Variants in PEPD observed in about 807,000 individuals in gnomAD.
PEPD encodes peptidase D, also known as xaa-Pro dipeptidase.
In PEPD, 53 loss-of-function variants were observed where a neutral mutation model predicts 60.7. The ratio of observed to expected loss-of-function variants is 0.87; its 90% CI spans 0.70 to 1.10. The LOEUF (loss-of-function observed/expected upper bound fraction) is 1.10. PEPD is among the 50% of genes least tolerant of loss of function. The pLI, the probability that PEPD is intolerant of heterozygous loss-of-function variation, is 0.00. For synonymous variants in PEPD, 267 were observed against 284.1 expected (o/e 0.94, Z 0.60); for missense variants, 711 against 711.9 (o/e 1.00, Z 0.01).
intron 1 of PEPD, among the ~76,000 whole-genome samples, chr19:33,520,730 C>T (rs1971115659): frequency 6.6e-6 from 1 of 152,192 alleles, no homozygotes. Flanking sequence ...ATCCCCCATT[C>T]TGACCTCAGT....
chr19:33,429,718 T>A (rs548323494), intron 9 of PEPD, among the ~76,000 whole-genome samples: 5 of 152,178 alleles, frequency 3.3e-5, no homozygotes, highest in Non-Finnish European at 7.3e-5. Context: ...ACAATTTCTG[T>A]ACATCAAATT....
At chr19:33,497,209 G>A (rs563783936) in intron 4 of PEPD, among the ~76,000 whole-genome samples, 10 of 152,372 alleles carry the variant, frequency 6.6e-5, no homozygotes, top group African/African-American at 2.4e-4. Context: ...GGCCCCTGCT[G>A]ACCCCATCGC....
chr19:33,411,318 G>GA (rs1968764835), intron 11 of PEPD, among the ~76,000 whole-genome samples: 1 of 152,172 alleles, frequency 6.6e-6, no homozygotes, highest in Admixed American at 6.5e-5. Context: ...CACCAAGACA[G>GA]AAAGATGCGA....
At chr19:33,485,363 C>G (rs900543357) in intron 6 of PEPD, among the ~76,000 whole-genome samples, 1 of 151,968 alleles carries the variant, frequency 6.6e-6, no homozygotes, top group African/African-American at 2.4e-5. Flanking sequence ...TGTGGTGGTG[C>G]GCACCTGTAA....
intron 9 of PEPD, among the ~76,000 whole-genome samples, chr19:33,454,522 A>C (rs939081162): frequency 4.6e-5 from 7 of 151,986 alleles, no homozygotes; most frequent in Non-Finnish European, 1.0e-4. Flanking sequence ...GAATCATTTG[A>C]GCCCAGGACG....
Position 33,390,281 on chromosome 19 carries a change from A to G in PEPD, c.1152+1014T>C, listed in dbSNP as rs1182875851. Reference sequence around the variant, plus strand: ...TGGCGACTAATGAATAACGAACCTCAGCTAACAATGTCTGGAAGGCCCAGC... The same window carrying G: ...TGGCGACTAATGAATAACGAACCTCGGCTAACAATGTCTGGAAGGCCCAGC... On this transcript the variant is annotated intron_variant, in intron 13 of 14. Coordinates refer to ENST00000244137, the MANE Select transcript of PEPD (RefSeq NM_000285.4). Among the ~76,000 whole-genome samples the G allele has an allele frequency of 2.0e-5, 3 of 152,242 alleles. No individual in the cohort carries two copies. The East Asian group carries it at 5.8e-4, about 29-fold the overall frequency.
At chr19:33,508,519 C>T (rs1032059002) in intron 3 of PEPD, among the ~76,000 whole-genome samples, 36 of 152,346 alleles carry the variant, frequency 2.4e-4, no homozygotes, top group African/African-American at 7.9e-4. Flanking sequence ...GACCGAGCCC[C>T]GAGAGGACAG....
chr19:33,395,338 G>A (rs985785477), intron 12 of PEPD, among the ~76,000 whole-genome samples: 4 of 152,178 alleles, frequency 2.6e-5, no homozygotes, highest in African/African-American at 7.2e-5. Flanking sequence ...GGCATGCTGC[G>A]GATGCTTGGT....
chr19:33,453,257 T>C (rs1969729660), intron 9 of PEPD, among the ~76,000 whole-genome samples: 1 of 152,104 alleles, frequency 6.6e-6, no homozygotes, highest in East Asian at 1.9e-4. Context: ...GAGGTTGCAG[T>C]GAACTGTGAT....
chr19:33,408,972 T>C (rs1207288197), intron 11 of PEPD, among the ~76,000 whole-genome samples: 1 of 152,264 alleles, frequency 6.6e-6, no homozygotes, highest in Non-Finnish European at 1.5e-5. Context: ...ATAATTACTC[T>C]ACTGGCTACA....
chr19:33,480,061 G>A (rs1298707335), intron 6 of PEPD, among the ~76,000 whole-genome samples: 2 of 152,128 alleles, frequency 1.3e-5, no homozygotes, highest in East Asian at 3.9e-4. Flanking sequence ...CTTTTTCTCT[G>A]CAACCTTGCC....
intron 9 of PEPD, among the ~76,000 whole-genome samples, chr19:33,415,700 C>A (rs1600097832): frequency 6.6e-6 from 1 of 152,202 alleles, no homozygotes; most frequent in Non-Finnish European, 1.5e-5. Flanking sequence ...ACAGAAGCAT[C>A]AAACTAAAGA....
Position 33,517,810 on chromosome 19 carries a change from C to CA in PEPD, c.17+3933dup, listed in dbSNP as rs546724971. ...TGAAACCCCATCCCTATTAAAAATA[C>CA]AAAAAAATTAGCCAGGCATGGTAGT... is the stretch of plus-strand genomic sequence containing the variant. On this transcript the variant is annotated intron_variant, in intron 1 of 14. Coordinates refer to ENST00000244137, the MANE Select transcript of PEPD (RefSeq NM_000285.4). Among the ~76,000 whole-genome samples the CA allele has an allele frequency of 9.6e-4, 145 of 150,984 alleles. 2 individuals are homozygous for CA. Among genetic ancestry groups the CA allele is most frequent in the African/African-American group, 3.4e-3 (141 of 41,054 alleles).
chr19:33,518,344 C>A (rs1452232552), intron 1 of PEPD, among the ~76,000 whole-genome samples: 1 of 152,194 alleles, frequency 6.6e-6, no homozygotes, highest in Non-Finnish European at 1.5e-5. Context: ...TCCCTAGCCC[C>A]CAGTCGGCCT....
intron 3 of PEPD, among the ~76,000 whole-genome samples, chr19:33,505,708 C>T (rs115132014): frequency 0.011 from 1,694 of 151,598 alleles, 33 homozygotes; most frequent in African/African-American, 0.039. Context: ...AACACACACA[C>T]CTGCACACAA....
intron 11 of PEPD, among the ~76,000 whole-genome samples, chr19:33,406,080 G>A (rs1041263339): frequency 6.6e-5 from 10 of 152,224 alleles, no homozygotes; most frequent in Admixed American, 2.0e-4. Flanking sequence ...AGGTGGGTGA[G>A]ACACAAGGAC....
chr19:33,417,699 C>T (rs1382102127), intron 9 of PEPD, among the ~76,000 whole-genome samples: 3 of 152,112 alleles, frequency 2.0e-5, no homozygotes, highest in African/African-American at 7.2e-5. Context: ...GGTCACTGTT[C>T]AGAGGCCTGG....
chr19:33,405,393 G>A (rs759536627), intron 11 of PEPD, among the ~76,000 whole-genome samples: 32 of 152,246 alleles, frequency 2.1e-4, no homozygotes, highest in Non-Finnish European at 2.2e-4. Flanking sequence ...GTAGTGGCAC[G>A]GCTCTTAGCT....
At chr19:33,390,742 G>A (rs1339702783) in intron 13 of PEPD, among the ~76,000 whole-genome samples, 1 of 152,226 alleles carries the variant, frequency 6.6e-6, no homozygotes, top group Admixed American at 6.5e-5. Flanking sequence ...ATCTGCCAAC[G>A]GGCCCCAGAA....
Sources: gnomAD v4.1 joint callset for allele counts (sites outside exome capture counted in the v4.1 genomes callset) on GRCh38, gnomAD v4.1.1 for gene constraint, MANE v1.5 for transcripts, NCBI Gene and HGNC (gene_info 2026-07-23, HGNC 2026-07-21) for gene names.